Variants in SLC1A3 observed in about 807,000 individuals in gnomAD.
SLC1A3 encodes solute carrier family 1 member 3.
A neutral mutation model predicts 48.1 loss-of-function variants in SLC1A3; 21 were observed. The observed-to-expected ratio is 0.44, with a 90% CI of 0.31 to 0.63. The LOEUF is 0.63. SLC1A3 is among the 20% of genes least tolerant of loss of function. The probability of loss-of-function intolerance (pLI) is 0.08; values close to 1 mark genes in which losing one functional copy is unlikely to be tolerated. For synonymous variants in SLC1A3, 239 were observed against 251.4 expected (o/e 0.95, Z 0.47); for missense variants, 546 against 689.0 (o/e 0.79, Z 2.32).
chr5:36,608,632 A>T (rs1238512142), intron 2 of SLC1A3, 28 bp downstream of exon 2: 3 of 1,610,632 alleles, frequency 1.9e-6, no homozygotes, highest in Non-Finnish European at 8.5e-7. Context: ...AAACAAAAAA[A>T]CCTGTATCTT....
chr5:36,664,385 G>A (rs919228049), intron 3 of SLC1A3, among the ~76,000 whole-genome samples: 8 of 151,966 alleles, frequency 5.3e-5, no homozygotes, highest in African/African-American at 1.4e-4. Flanking sequence ...CACCCTCCTC[G>A]GCCTCCCAAA....
chr5:36,647,915 T>C (rs1431005225), intron 3 of SLC1A3, among the ~76,000 whole-genome samples: 1 of 152,250 alleles, frequency 6.6e-6, no homozygotes, highest in East Asian at 1.9e-4. Flanking sequence ...TGTTTGTTTA[T>C]TGTTTTTAAT....
upstream of SLC1A3, among the ~76,000 whole-genome samples, chr5:36,606,126 T>G (rs187051792): frequency 6.6e-6 from 1 of 152,166 alleles, no homozygotes; most frequent in African/African-American, 2.4e-5. Context: ...GTAAGCATTA[T>G]TTTTTTTCTA....
intron 9 of SLC1A3, among the ~76,000 whole-genome samples, chr5:36,684,364 C>G (rs771321792): frequency 5.9e-5 from 9 of 152,220 alleles, no homozygotes; most frequent in Non-Finnish European, 5.9e-5. Context: ...GCCCCACATG[C>G]CAGCTTAGGC....
intron 2 of SLC1A3, among the ~76,000 whole-genome samples, chr5:36,610,373 T>G (rs950450553): frequency 6.6e-6 from 1 of 152,222 alleles, no homozygotes; most frequent in African/African-American, 2.4e-5. Context: ...ATTAAGCCAC[T>G]TCCTTCTCAT....
intron 3 of SLC1A3, among the ~76,000 whole-genome samples, chr5:36,663,573 T>C (rs939222977): frequency 1.2e-4 from 18 of 151,962 alleles, no homozygotes; most frequent in African/African-American, 4.4e-4. Flanking sequence ...ACACTAGAGC[T>C]TGAAGAAAAA....
intron 3 of SLC1A3, among the ~76,000 whole-genome samples, chr5:36,658,047 A>G (rs913787696): frequency 1.3e-5 from 2 of 152,228 alleles, no homozygotes; most frequent in African/African-American, 4.8e-5. Context: ...GCAGGCAATA[A>G]AGACACAAAG....
chr5:36,629,358 C>A, intron 2 of SLC1A3, 92 bp from the exon 3 acceptor site: 1 of 1,101,900 alleles, frequency 9.1e-7, no homozygotes, highest in Non-Finnish European at 1.3e-6. Flanking sequence ...ATACAACCAC[C>A]AGCCAAATAC....
intron 3 of SLC1A3, among the ~76,000 whole-genome samples, chr5:36,665,829 T>G (rs1741718421): frequency 6.6e-6 from 1 of 152,184 alleles, no homozygotes; most frequent in Non-Finnish European, 1.5e-5. Context: ...TAGATTACAT[T>G]CCGAGGCTAT....
chr5:36,628,851 A>G (rs879559377), intron 2 of SLC1A3, among the ~76,000 whole-genome samples: 2 of 152,212 alleles, frequency 1.3e-5, no homozygotes, highest in Non-Finnish European at 2.9e-5. Flanking sequence ...TTCTCTTGCC[A>G]GCAACTAACA....
chr5:36,619,197 G>A (rs1739566958), intron 2 of SLC1A3, among the ~76,000 whole-genome samples: 1 of 152,204 alleles, frequency 6.6e-6, no homozygotes, highest in East Asian at 1.9e-4. Context: ...TGGAAACAGA[G>A]GAGTGGGGGA....
At chr5:36,632,501 C>T (rs1436311037) in intron 3 of SLC1A3, among the ~76,000 whole-genome samples, 1 of 152,192 alleles carries the variant, frequency 6.6e-6, no homozygotes, top group Non-Finnish European at 1.5e-5. Flanking sequence ...CTCTTCTCTC[C>T]ATCTTCTGGG....
chr5:36,599,190 A>G (rs1738777038), intron 1 of SLC1A3, among the ~76,000 whole-genome samples: 1 of 152,226 alleles, frequency 6.6e-6, no homozygotes, highest in Non-Finnish European at 1.5e-5. Flanking sequence ...TCTCCCTCAT[A>G]AATGAATACT....
chr5:36,642,840 TC>T (rs1740670595), intron 3 of SLC1A3, among the ~76,000 whole-genome samples: 1 of 152,236 alleles, frequency 6.6e-6, no homozygotes, highest in Admixed American at 6.5e-5. Flanking sequence ...CTGGCTTTTT[TC>T]ACTCAGCACA....
At chr5:36,678,326 G>T (rs1057166981) in intron 6 of SLC1A3, among the ~76,000 whole-genome samples, 5 of 152,152 alleles carry the variant, frequency 3.3e-5, no homozygotes, top group Non-Finnish European at 4.4e-5. Context: ...CACTTGGAAG[G>T]CTCCTTTGAA....
At chr5:36,629,157 A>G (rs1164278407) in intron 2 of SLC1A3, among the ~76,000 whole-genome samples, 2 of 152,120 alleles carry the variant, frequency 1.3e-5, no homozygotes, top group African/African-American at 4.8e-5. Context: ...CTCTGTATTG[A>G]GCCAGGTCAG....
At chr5:36,632,702 G>T (rs1417892175) in intron 3 of SLC1A3, among the ~76,000 whole-genome samples, 1 of 152,188 alleles carries the variant, frequency 6.6e-6, no homozygotes, top group Non-Finnish European at 1.5e-5. Flanking sequence ...CTATTATTGT[G>T]TTTCTTGGAC....
At position 36,631,811 on chromosome 5, in the gene SLC1A3, T is replaced by A. The variant is rs185811035; in HGVS notation, c.319+2224T>A. Among the ~76,000 whole-genome samples the A allele has an allele frequency of 3.0e-3, 455 of 152,366 alleles. 5 individuals are homozygous for A. The highest frequency in any genetic ancestry group is 0.01 in the African/African-American group (432 of 41,582). On this transcript the variant is annotated intron_variant, in intron 3 of 9. Transcript: ENST00000265113. ...ATGTCCTTTATGGTTTTGAATACAA[T>A]AATTCTAACCCAAATGAGGGTATGA...
At chr5:36,596,703 T>G (rs1738744883) in intron 1 of SLC1A3, among the ~76,000 whole-genome samples, 1 of 152,182 alleles carries the variant, frequency 6.6e-6, no homozygotes. Flanking sequence ...AAATATTACA[T>G]TTGAAAAACA....
Sources: gnomAD v4.1 joint callset for allele counts (sites outside exome capture counted in the v4.1 genomes callset) on GRCh38, gnomAD v4.1.1 for gene constraint, MANE v1.5 for transcripts, NCBI Gene and HGNC (gene_info 2026-07-23, HGNC 2026-07-21) for gene names.